SORT1: variants seen among roughly 807,000 people sequenced by gnomAD.
SORT1 encodes sortilin.
A neutral mutation model predicts 101.7 loss-of-function variants in SORT1; 39 were observed. The ratio of observed to expected loss-of-function variants is 0.38; its 90% CI spans 0.30 to 0.50. SORT1 has a LOEUF of 0.50. Among genes scored for constraint, SORT1 ranks in the 20% least tolerant of loss-of-function variants. The pLI is 0.90. For missense variants in SORT1, 878 were observed against 1,040.4 expected (o/e 0.84, Z 2.15); for synonymous variants, 396 against 393.7 (o/e 1.01, Z -0.07).
intron 1 of SORT1, among the ~76,000 whole-genome samples, chr1:109,396,795 G>A (rs1339677753): frequency 6.6e-6 from 1 of 152,202 alleles, no homozygotes; most frequent in Non-Finnish European, 1.5e-5. Flanking sequence ...GTTAATTTTA[G>A]AGAAATAGGA....
chr1:109,367,946 G>T (rs1651201185), intron 2 of SORT1, among the ~76,000 whole-genome samples: 1 of 152,078 alleles, frequency 6.6e-6, no homozygotes, highest in South Asian at 2.1e-4. Flanking sequence ...ATGAGGAAAT[G>T]ATTCTGGATG....
intron 8 of SORT1, among the ~76,000 whole-genome samples, chr1:109,343,134 C>T (rs1649338729): frequency 6.6e-6 from 1 of 152,050 alleles, no homozygotes; most frequent in South Asian, 2.1e-4. Context: ...TACTGGTTGA[C>T]CCTAGGTAAG....
intron 3 of SORT1, among the ~76,000 whole-genome samples, chr1:109,364,673 G>A (rs998852859): frequency 2.0e-5 from 3 of 152,216 alleles, no homozygotes; most frequent in African/African-American, 7.2e-5. Context: ...GCTAGGGGGT[G>A]CAGTGTGCAT....
chr1:109,359,575 C>T (rs1275449415), intron 3 of SORT1, among the ~76,000 whole-genome samples: 1 of 152,190 alleles, frequency 6.6e-6, no homozygotes, highest in Non-Finnish European at 1.5e-5. Flanking sequence ...TCTCGGCTCA[C>T]TGCAACCTCT....
intron 15 of SORT1, among the ~76,000 whole-genome samples, chr1:109,322,373 C>T (rs1647690604): frequency 6.6e-6 from 1 of 152,208 alleles, no homozygotes; most frequent in African/African-American, 2.4e-5. Context: ...CTTCACACCA[C>T]TGTCAACTCA....
chr1:109,353,543 A>G (rs1455552031), intron 5 of SORT1, among the ~76,000 whole-genome samples: 1 of 152,008 alleles, frequency 6.6e-6, no homozygotes, highest in African/African-American at 2.4e-5. Flanking sequence ...CAGTCAGTAC[A>G]GCAATGACTC....
chr1:109,356,533 A>C (rs1650336131), intron 3 of SORT1, among the ~76,000 whole-genome samples: 1 of 152,136 alleles, frequency 6.6e-6, no homozygotes, highest in South Asian at 2.1e-4. Context: ...TTAAGGTGAG[A>C]TCTATGCAAA....
At chr1:109,353,325 T>C (rs1254878822) in intron 5 of SORT1, among the ~76,000 whole-genome samples, 2 of 128,214 alleles carry the variant, frequency 1.6e-5, no homozygotes, top group Non-Finnish European at 3.2e-5. Context: ...CAAAACTCTG[T>C]CTCAAAAAAA....
chr1:109,320,429 G>A (rs1647544702), intron 15 of SORT1, among the ~76,000 whole-genome samples: 1 of 152,004 alleles, frequency 6.6e-6, no homozygotes, highest in Admixed American at 6.6e-5. Flanking sequence ...TCCTCCTTCT[G>A]GGCCCTACTT....
At chr1:109,317,813 C>T in intron 16 of SORT1, 40 bp downstream of exon 16, 1 of 1,263,278 alleles carries the variant, frequency 7.9e-7, no homozygotes, top group Non-Finnish European at 1.2e-6. Context: ...TGAACAAGAA[C>T]ACCTCATCCA....
At chr1:109,352,797 A>G (rs1650049913) in intron 5 of SORT1, among the ~76,000 whole-genome samples, 1 of 152,222 alleles carries the variant, frequency 6.6e-6, no homozygotes, top group Non-Finnish European at 1.5e-5. Flanking sequence ...AATTTCAGGT[A>G]CAGAAGCAGA....
At chr1:109,350,877 G>A (rs577892807) in intron 6 of SORT1, 52 bp downstream of exon 6, 19 of 1,166,418 alleles carry the variant, frequency 1.6e-5, no homozygotes, top group African/African-American at 3.0e-5. Context: ...TTTTGGCAGC[G>A]CTATCAGGAA....
Position 109,355,757 on chromosome 1 carries a change from G to A in SORT1, c.441-288C>T, listed in dbSNP as rs942224954. Among the ~76,000 whole-genome samples, 3 of 151,078 alleles carry A rather than the reference G, an allele frequency of 2.0e-5. No individual in the cohort carries two copies. In the Admixed American group the frequency reaches 2.0e-4, roughly 10 times the overall value. The stretch of plus-strand genomic sequence containing the variant: ...GGGTGGGAAATTTGGGGTCTTCTAG[G>A]AAGCACACTGCCTCCCACTTATGAT... On this transcript the variant is annotated intron_variant, in intron 3 of 19. Transcript: ENST00000256637.
At chr1:109,388,940 AAAG>A (rs569802258) in intron 1 of SORT1, among the ~76,000 whole-genome samples, 1 of 152,246 alleles carries the variant, frequency 6.6e-6, no homozygotes, top group Non-Finnish European at 1.5e-5. Context: ...AGGCTTAAAA[AAAG>A]AAGAAAACCA....
intron 3 of SORT1, among the ~76,000 whole-genome samples, chr1:109,357,705 G>C (rs930718699): frequency 1.3e-5 from 2 of 152,144 alleles, no homozygotes; most frequent in African/African-American, 4.8e-5. Context: ...AGAGGTCCCT[G>C]ATAATATGCT....
chr1:109,375,925 T>C (rs1651803804), intron 1 of SORT1, among the ~76,000 whole-genome samples: 1 of 152,160 alleles, frequency 6.6e-6, no homozygotes, highest in Non-Finnish European at 1.5e-5. Context: ...GAATGACTAT[T>C]ACTAAAACAT....
intron 10 of SORT1, 133 bp downstream of exon 10, chr1:109,340,589 AGG>A: frequency 1.2e-6 from 1 of 845,792 alleles, no homozygotes; most frequent in Non-Finnish European, 1.8e-6. Flanking sequence ...AAAAAAAAAA[AGG>A]AAACAAAAAA....
intron 3 of SORT1, 127 bp from the exon 4 acceptor site, chr1:109,355,596 C>T (rs969270082): frequency 1.9e-5 from 10 of 537,852 alleles, no homozygotes; most frequent in Non-Finnish European, 3.0e-5. Flanking sequence ...TGAATAGCCA[C>T]ATTCCTAGCT....
At chr1:109,314,148 GT>G in intron 19 of SORT1, 91 bp from the exon 20 acceptor site, 2 of 1,600,194 alleles carry the variant, frequency 1.2e-6, no homozygotes, top group Non-Finnish European at 1.7e-6. Flanking sequence ...AAATCTTATG[GT>G]CATTAAGTCG....
Sources: allele counts gnomAD v4.1 joint callset (sites outside exome capture counted in the v4.1 genomes callset), GRCh38; gene constraint gnomAD v4.1.1; transcripts MANE v1.5; gene names NCBI Gene and HGNC (gene_info 2026-07-23, HGNC 2026-07-21).